The following LRRTM4 variants were observed in gnomAD, a reference collection of about 807,000 sequenced individuals.
The protein encoded by LRRTM4 is leucine rich repeat transmembrane neuronal 4, also known as leucine-rich repeat transmembrane neuronal protein 4.
LRRTM4 carries 25 observed loss-of-function variants against 47.6 expected under a neutral mutation model. The ratio of observed to expected loss-of-function variants is 0.53; its 90% CI spans 0.38 to 0.73. LRRTM4 has a LOEUF of 0.73. Among genes scored for constraint, LRRTM4 ranks in the 30% least tolerant of loss-of-function variants. The pLI is 0.00. For missense variants in LRRTM4, 638 were observed against 713.4 expected (o/e 0.89, Z 1.20); for synonymous variants, 311 against 269.5 (o/e 1.15, Z -1.51).
chr2:77,097,131 T>A (rs759362071), intron 3 of LRRTM4, among the ~76,000 whole-genome samples: 1 of 151,814 alleles, frequency 6.6e-6, no homozygotes, highest in African/African-American at 2.4e-5. Flanking sequence ...AATAATATAA[T>A]AGATATGAAG....
intron 3 of LRRTM4, among the ~76,000 whole-genome samples, chr2:77,457,628 TA>T (rs1232381392): frequency 2.6e-5 from 4 of 152,164 alleles, no homozygotes; most frequent in African/African-American, 7.2e-5. Flanking sequence ...TCTGGTACTA[TA>T]AAACATAATG....
intron 3 of LRRTM4, among the ~76,000 whole-genome samples, chr2:77,436,482 A>C (rs569786741): frequency 6.6e-6 from 1 of 151,998 alleles, no homozygotes; most frequent in African/African-American, 2.4e-5. Context: ...TAATACCATA[A>C]GATTAAATAA....
chr2:77,302,898 G>A (rs1315862209), intron 3 of LRRTM4, among the ~76,000 whole-genome samples: 1 of 152,168 alleles, frequency 6.6e-6, no homozygotes, highest in African/African-American at 2.4e-5. Context: ...AATATAGAAA[G>A]CCATTTTGCA....
intron 3 of LRRTM4, among the ~76,000 whole-genome samples, chr2:76,897,570 TAAG>T (rs1673465362): frequency 6.6e-6 from 1 of 152,036 alleles, no homozygotes; most frequent in Non-Finnish European, 1.5e-5. Context: ...AGAAAAGGAG[TAAG>T]AAGGAGTCTC....
chr2:76,807,417 TATATATAC>T (rs1186548882), intron 3 of LRRTM4, among the ~76,000 whole-genome samples: 21 of 85,352 alleles, frequency 2.5e-4, no homozygotes, highest in Admixed American at 1.0e-3. Flanking sequence ...CGTATATATA[TATATATAC>T]ATATATATAT....
At chr2:77,407,695 TGATATATATAA>T (rs1674262421) in intron 3 of LRRTM4, among the ~76,000 whole-genome samples, 3 of 136,458 alleles carry the variant, frequency 2.2e-5, no homozygotes, top group African/African-American at 8.8e-5. Context: ...ATATAATATA[TGATATATATAA>T]TATATCATAT....
intron 3 of LRRTM4, among the ~76,000 whole-genome samples, chr2:77,475,260 T>C (rs1287592889): frequency 6.6e-6 from 1 of 152,088 alleles, no homozygotes. Context: ...TTCATTCATA[T>C]GCAACCAATT....
intron 3 of LRRTM4, among the ~76,000 whole-genome samples, chr2:77,160,085 T>C (rs566819902): frequency 9.2e-5 from 14 of 152,298 alleles, no homozygotes; most frequent in East Asian, 7.7e-4. Flanking sequence ...GATGCATATC[T>C]TCAAACCTTT....
intron 3 of LRRTM4, among the ~76,000 whole-genome samples, chr2:77,466,702 CTTTTTTTT>C (rs34276275): frequency 7.6e-6 from 1 of 131,368 alleles, no homozygotes. Context: ...ACTATGGCAA[CTTTTTTTT>C]TTTTTTTTTT....
intron 3 of LRRTM4, among the ~76,000 whole-genome samples, chr2:77,141,003 A>C (rs577617397): frequency 2.6e-5 from 4 of 152,282 alleles, no homozygotes; most frequent in Admixed American, 2.6e-4. Context: ...GAGAAATAGG[A>C]ACAGTTTTAC....
chr2:76,904,173 T>G (rs1461627441), intron 3 of LRRTM4, among the ~76,000 whole-genome samples: 1 of 152,220 alleles, frequency 6.6e-6, no homozygotes, highest in Non-Finnish European at 1.5e-5. Context: ...TTCTTTAAAT[T>G]CAGTGCTTGT....
rs908289992 is a variant in LRRTM4 at position 77,337,969 on chromosome 2, T to C, written c.1551+180349A>G. Among the ~76,000 whole-genome samples, 12 of 151,972 alleles carry C rather than the reference T, an allele frequency of 7.9e-5. No individual in the cohort carries two copies. The South Asian group carries it at 2.3e-3, about 29-fold the overall frequency. On this transcript the variant is annotated intron_variant, in intron 3 of 3. Transcript: ENST00000409884. ...TACAGCCATCTGATCTTCAACAAAG[T>C]TGACAAAACTAAGCAATGGTGAAAG...
chr2:77,306,018 C>CATGTTTACATCTTCTTA lies in LRRTM4; in HGVS notation c.1551+212283_1551+212299dup, dbSNP rs1288770071. On this transcript the variant is annotated intron_variant, in intron 3 of 3. Coordinates refer to ENST00000409884, the MANE Select transcript of LRRTM4 (RefSeq NM_001134745.3). The stretch of plus-strand genomic sequence containing the variant: ...TAACCATGTATTATGACCACATGTC[C>CATGTTTACATCTTCTTA]ATGTTTACATCTTCTTAATGTTTAC... Among the ~76,000 whole-genome samples, 3 of 152,192 alleles carry CATGTTTACATCTTCTTA rather than the reference C, an allele frequency of 2.0e-5. No individual in the cohort carries two copies. The East Asian group carries it at 5.8e-4, about 29-fold the overall frequency.
chr2:77,315,479 A>C (rs1677592729), intron 3 of LRRTM4, among the ~76,000 whole-genome samples: 2 of 152,184 alleles, frequency 1.3e-5, no homozygotes, highest in Non-Finnish European at 2.9e-5. Flanking sequence ...TAGTGCTGTA[A>C]AATTTACTAA....
chr2:76,954,902 A>G (rs1025927720), intron 3 of LRRTM4, among the ~76,000 whole-genome samples: 1 of 151,796 alleles, frequency 6.6e-6, no homozygotes, highest in Non-Finnish European at 1.5e-5. Flanking sequence ...ATGATATAGT[A>G]AAAGTGCTGG....
chr2:76,850,038 TGATA>T (rs1671946304), intron 3 of LRRTM4, among the ~76,000 whole-genome samples: 1 of 145,194 alleles, frequency 6.9e-6, no homozygotes, highest in South Asian at 2.1e-4. Flanking sequence ...CATTTGTTAC[TGATA>T]GATAATTATT....
At chr2:77,239,832 T>C (rs1329516866) in intron 3 of LRRTM4, among the ~76,000 whole-genome samples, 1 of 151,868 alleles carries the variant, frequency 6.6e-6, no homozygotes, top group Non-Finnish European at 1.5e-5. Flanking sequence ...AGTACTTCTA[T>C]CTAGTAATTG....
intron 3 of LRRTM4, among the ~76,000 whole-genome samples, chr2:77,256,973 A>G (rs966920187): frequency 5.3e-5 from 8 of 152,234 alleles, no homozygotes; most frequent in African/African-American, 1.7e-4. Flanking sequence ...CAGCAATGCA[A>G]TGCTGGATCA....
At chr2:77,197,877 C>A (rs570202067) in intron 3 of LRRTM4, among the ~76,000 whole-genome samples, 1 of 152,262 alleles carries the variant, frequency 6.6e-6, no homozygotes, top group South Asian at 2.1e-4. Flanking sequence ...GAGAAGGTTC[C>A]ATTTTTGTCT....
Sources: allele counts gnomAD v4.1 joint callset (sites outside exome capture counted in the v4.1 genomes callset), GRCh38; gene constraint gnomAD v4.1.1; transcripts MANE v1.5; gene names NCBI Gene and HGNC (gene_info 2026-07-23, HGNC 2026-07-21).